INO80D: variants seen among roughly 807,000 people sequenced by gnomAD.
INO80D encodes INO80 complex subunit D.
INO80D carries 21 observed loss-of-function variants against 87.6 expected under a neutral mutation model. That is an observed-to-expected ratio of 0.24 (90% confidence interval 0.17 to 0.35). The LOEUF is 0.35. Among genes scored for constraint, INO80D ranks in the 10% least tolerant of loss-of-function variants. INO80D has a pLI of 1.00. For synonymous variants in INO80D, 440 were observed against 491.0 expected (o/e 0.90, Z 1.37); for missense variants, 982 against 1,280.7 (o/e 0.77, Z 3.56).
intron 1 of INO80D, among the ~76,000 whole-genome samples, chr2:206,064,493 T>C (rs1447311255): frequency 6.6e-6 from 1 of 152,166 alleles, no homozygotes; most frequent in Admixed American, 6.6e-5. Context: ...ATGCTGGAGG[T>C]GTCAGAAGAC....
chr2:206,046,686 A>C, intron 4 of INO80D, 74 bp from the exon 5 acceptor site: 1 of 933,422 alleles, frequency 1.1e-6, no homozygotes, highest in Admixed American at 2.0e-5. Flanking sequence ...AAAGCTACAC[A>C]AAATAACATA....
intron 4 of INO80D, among the ~76,000 whole-genome samples, chr2:206,052,186 A>G (rs1343893470): frequency 6.6e-6 from 1 of 152,018 alleles, no homozygotes; most frequent in African/African-American, 2.4e-5. Flanking sequence ...TTTCTCATTC[A>G]TCATCATTTT....
Position 206,003,324 on chromosome 2 carries a change from A to C in INO80D, c.*1044T>G, listed in dbSNP as rs945285329. 1 of 152,204 alleles carries C rather than the reference A, an allele frequency of 6.6e-6. No homozygotes were observed. The highest frequency in any genetic ancestry group is 2.4e-5 in the African/African-American group (1 of 41,456). The allele number at this position is 152,204 out of a possible 1,614,324, so 9.4% of individuals were successfully genotyped here. On this transcript the variant is annotated 3_prime_UTR_variant, in exon 11 of 11. Coordinates refer to ENST00000403263, the MANE Select transcript of INO80D (RefSeq NM_017759.5). Reference sequence around the variant, plus strand: ...AAAAGATGGATCAAGGAGTTGACAGATCCCATCTTTTCAAATCTATCTGAC... The same window carrying C: ...AAAAGATGGATCAAGGAGTTGACAGCTCCCATCTTTTCAAATCTATCTGAC...
chr2:206,019,385 CAG>C (rs1413285322), intron 7 of INO80D, among the ~76,000 whole-genome samples: 2 of 152,138 alleles, frequency 1.3e-5, no homozygotes, highest in Non-Finnish European at 2.9e-5. Context: ...AGACTAAAAA[CAG>C]ATTTTAAATA....
chr2:206,082,810 G>A (rs1249145016), intron 1 of INO80D, among the ~76,000 whole-genome samples: 1 of 152,154 alleles, frequency 6.6e-6, no homozygotes, highest in Non-Finnish European at 1.5e-5. Flanking sequence ...AAATAGTTTA[G>A]CATTTTTTTG....
intron 8 of INO80D, among the ~76,000 whole-genome samples, chr2:206,016,707 G>C (rs1156338500): frequency 3.3e-5 from 5 of 152,208 alleles, no homozygotes; most frequent in African/African-American, 9.6e-5. Context: ...CCTGGTGGGA[G>C]ACGACTGAAT....
At chr2:206,077,475 T>C (rs906097722) in intron 1 of INO80D, among the ~76,000 whole-genome samples, 1 of 152,174 alleles carries the variant, frequency 6.6e-6, no homozygotes, top group Non-Finnish European at 1.5e-5. Flanking sequence ...CTATAATCAT[T>C]AAAAATCTAA....
At chr2:206,037,360 G>A (rs1688920005) in intron 5 of INO80D, among the ~76,000 whole-genome samples, 1 of 152,076 alleles carries the variant, frequency 6.6e-6, no homozygotes, top group African/African-American at 2.4e-5. Flanking sequence ...ACTTTATTAA[G>A]ACAACCAAAC....
intron 4 of INO80D, among the ~76,000 whole-genome samples, chr2:206,051,340 C>T (rs987306861): frequency 6.6e-6 from 1 of 151,690 alleles, no homozygotes; most frequent in Non-Finnish European, 1.5e-5. Flanking sequence ...CCTCAGCCTC[C>T]CAAGTAGCAG....
rs918980868 is a variant in INO80D, at chr2:206,017,743, G to A, written c.1479C>T (p.Cys493=). 1 of 1,613,450 alleles carries A rather than the reference G, an allele frequency of 6.2e-7. No homozygotes were observed. The highest frequency in any genetic ancestry group is 1.3e-5 in the African/African-American group (1 of 74,924). ...CTAKFADGQQ[C]SVPVFDITHQ... ...GTGTAATGTCAAAAACTGGCACAGA[G>A]CACTGCTGTCCATCTGCAAACTTGG... The change falls in exon 8 of 11, where the codon TGC becomes TGT. Residue 493 remains cysteine, a synonymous_variant. Coordinates refer to ENST00000403263, the MANE Select transcript of INO80D (RefSeq NM_017759.5).
intron 1 of INO80D, among the ~76,000 whole-genome samples, chr2:206,067,988 C>G (rs1046151581): frequency 3.3e-5 from 5 of 152,186 alleles, no homozygotes; most frequent in African/African-American, 1.2e-4. Context: ...TGAATTCAAC[C>G]TTGTCTTACA....
At chr2:206,058,418 CAAAAAAAAAAAAAA>C (rs59790218) in intron 3 of INO80D, among the ~76,000 whole-genome samples, 1 of 125,320 alleles carries the variant, frequency 8.0e-6, no homozygotes, top group Admixed American at 7.8e-5. Context: ...GACTCTGTCT[CAAAAAAAAAAAAAA>C]AAAAAAAAAA....
chr2:206,019,793 C>T lies in INO80D; in HGVS notation c.1351G>A (p.Val451Met), dbSNP rs754767138. Residue 451 changes from valine (V) to methionine (M), a missense_variant, in exon 7 of 11, where the codon GTG (valine) becomes ATG (methionine). Transcript: ENST00000403263. ...EVEPAACSGT[V>M]KGEQCANKAL... ...TTGTTAGCGCACTGTTCACCCTTCA[C>T]GGTTCCACTGCATGCTGCTGGTTCC... 2.3e-5 allele frequency: 37 copies of T among 1,613,794 alleles called. No individual in the cohort carries two copies. The highest frequency in any genetic ancestry group is 3.3e-4 in the Middle Eastern group (2 of 6,082).
intron 6 of INO80D, among the ~76,000 whole-genome samples, chr2:206,023,168 T>C (rs1482557648): frequency 6.6e-6 from 1 of 151,894 alleles, no homozygotes; most frequent in African/African-American, 2.4e-5. Flanking sequence ...GCCATTGCAC[T>C]CCAGCCTGGG....
intron 3 of INO80D, among the ~76,000 whole-genome samples, chr2:206,058,142 C>T (rs560029550): frequency 1.8e-4 from 27 of 152,250 alleles, no homozygotes; most frequent in African/African-American, 6.5e-4. Context: ...CTATAAAGGC[C>T]GGGCACAATG....
In INO80D at chr2:206,065,499, T is replaced by A. The variant is rs1420503794; in HGVS notation, c.-123-2255A>T. Among the ~76,000 whole-genome samples, 4 of 151,814 alleles carry A rather than the reference T, an allele frequency of 2.6e-5. No homozygotes were observed. The East Asian group carries it at 5.8e-4, about 22-fold the overall frequency. ...AAGAAAAGAAAGAGAGAAAAAAAGA[T>A]CTGAAAAGTACAGACAATAAGGTAA... is the stretch of plus-strand genomic sequence containing the variant. On this transcript the variant is annotated intron_variant, in intron 1 of 10. Transcript: ENST00000403263.
At chr2:206,077,180 GGGA>G (rs1397654858) in intron 1 of INO80D, among the ~76,000 whole-genome samples, 1 of 152,048 alleles carries the variant, frequency 6.6e-6, no homozygotes, top group Non-Finnish European at 1.5e-5. Context: ...AGGAGGCTGA[GGGA>G]GGAGAATGGT....
chr2:206,069,932 C>T (rs1476781302), intron 1 of INO80D, among the ~76,000 whole-genome samples: 4 of 152,148 alleles, frequency 2.6e-5, no homozygotes, highest in East Asian at 3.9e-4. Flanking sequence ...TTTCTTTCCC[C>T]GAAAAGAGCA....
chr2:206,027,662 C>T (rs1475800667), intron 6 of INO80D, among the ~76,000 whole-genome samples: 1 of 152,112 alleles, frequency 6.6e-6, no homozygotes, highest in Non-Finnish European at 1.5e-5. Flanking sequence ...TATGATCACA[C>T]CACTGCACTC....
Sources: gnomAD v4.1 joint callset for allele counts (sites outside exome capture counted in the v4.1 genomes callset) on GRCh38, gnomAD v4.1.1 for gene constraint, MANE v1.5 for transcripts, NCBI Gene and HGNC (gene_info 2026-07-23, HGNC 2026-07-21) for gene names.